The following NUBPL variants were observed in gnomAD, a reference collection of about 807,000 sequenced individuals.
NUBPL encodes iron-sulfur cluster transfer protein NUBPL.
In NUBPL, 31 loss-of-function variants were observed where a neutral mutation model predicts 45.7. That is an observed-to-expected ratio of 0.68 (90% CI 0.51 to 0.92). NUBPL has a LOEUF of 0.92. NUBPL is among the 40% of genes least tolerant of loss of function. The pLI is 0.00. For synonymous variants in NUBPL, 144 were observed against 140.9 expected, an observed-to-expected ratio of 1.02 and a Z score of -0.15; for missense variants, 401 against 398.7, an observed-to-expected ratio of 1.01 and a Z score of -0.05.
intron 4 of NUBPL, among the ~76,000 whole-genome samples, chr14:31,643,273 C>T (rs545500290): frequency 2.9e-4 from 44 of 152,058 alleles, no homozygotes; most frequent in African/African-American, 9.6e-4. Flanking sequence ...CTTTGTTCAA[C>T]GTGATGTTAG....
intron 3 of NUBPL, among the ~76,000 whole-genome samples, chr14:31,597,268 G>C (rs184572385): frequency 6.6e-6 from 1 of 152,152 alleles, no homozygotes; most frequent in Non-Finnish European, 1.5e-5. Flanking sequence ...GGAAGCAGAA[G>C]AATTCGAAAA....
chr14:31,811,129 G>A (rs2039796209), intron 7 of NUBPL, among the ~76,000 whole-genome samples: 1 of 152,066 alleles, frequency 6.6e-6, no homozygotes, highest in Admixed American at 6.6e-5. Flanking sequence ...TATATTTGTG[G>A]TGTTCTCTGT....
chr14:31,595,719 G>A (rs986420953), intron 3 of NUBPL, among the ~76,000 whole-genome samples: 1 of 152,104 alleles, frequency 6.6e-6, no homozygotes, highest in African/African-American at 2.4e-5. Flanking sequence ...AAATAACGGA[G>A]TCAATTATGA....
intron 3 of NUBPL, among the ~76,000 whole-genome samples, chr14:31,574,355 C>G (rs2033664289): frequency 1.3e-5 from 2 of 151,628 alleles, no homozygotes; most frequent in African/African-American, 4.9e-5. Context: ...ACCTCTGTCT[C>G]CCGGGTTCAG....
intron 6 of NUBPL, among the ~76,000 whole-genome samples, chr14:31,688,706 T>C (rs2037024109): frequency 6.9e-6 from 1 of 145,444 alleles, no homozygotes; most frequent in South Asian, 2.1e-4. Context: ...GATAAGGGTT[T>C]GTTATATAGG....
chr14:31,715,696 T>A (rs1403578185), intron 6 of NUBPL, among the ~76,000 whole-genome samples: 1 of 152,182 alleles, frequency 6.6e-6, no homozygotes, highest in East Asian at 1.9e-4. Context: ...TGAAAGTTGC[T>A]GTGGGTGAGT....
intron 10 of NUBPL, among the ~76,000 whole-genome samples, chr14:31,858,518 G>T (rs2040660478): frequency 6.6e-6 from 1 of 152,186 alleles, no homozygotes; most frequent in Non-Finnish European, 1.5e-5. Context: ...CCACTCTGTG[G>T]CTTAAGAGCT....
In NUBPL at chr14:31,860,068, G is replaced by T. The variant is rs2040688506; in HGVS notation, c.*888G>T. 6.6e-6 allele frequency: 1 copy of T among 152,124 alleles called. No homozygotes were observed. The highest frequency in any genetic ancestry group is 2.4e-5 in the African/African-American group (1 of 41,416). 9.4% of individuals were successfully genotyped at this position (152,124 alleles called of 1,614,324 possible). A position where few individuals can be genotyped will look rare whatever the true frequency, so the allele number is the denominator to read the frequency against. On this transcript the variant is annotated 3_prime_UTR_variant, in exon 11 of 11. Transcript: ENST00000281081. Reference sequence around the variant, plus strand: ...GCCTGTAATCCCAGCACTTTGGGAGGTTGAGGTGGGTGGATCATGAGGTCA... The same window carrying T: ...GCCTGTAATCCCAGCACTTTGGGAGTTTGAGGTGGGTGGATCATGAGGTCA...
chr14:31,752,179 A>C (rs558662614), intron 6 of NUBPL, among the ~76,000 whole-genome samples: 1 of 152,232 alleles, frequency 6.6e-6, no homozygotes, highest in South Asian at 2.1e-4. Context: ...TACTTATGCA[A>C]ATTTCTGCAG....
intron 8 of NUBPL, among the ~76,000 whole-genome samples, chr14:31,828,636 C>A (rs1283139141): frequency 6.6e-6 from 1 of 152,106 alleles, no homozygotes; most frequent in Non-Finnish European, 1.5e-5. Flanking sequence ...TATCAAAATA[C>A]CATTTCAACT....
At chr14:31,595,444 G>A (rs879619951) in intron 3 of NUBPL, among the ~76,000 whole-genome samples, 42 of 152,238 alleles carry the variant, frequency 2.8e-4, no homozygotes, top group African/African-American at 8.7e-4. Flanking sequence ...TTTTTTATCT[G>A]TTGTGTATTT....
intron 6 of NUBPL, among the ~76,000 whole-genome samples, chr14:31,729,686 T>A (rs1459703764): frequency 1.3e-5 from 2 of 152,188 alleles, no homozygotes; most frequent in African/African-American, 2.4e-5. Context: ...AACACTGTTA[T>A]TTATTCTAAT....
At chr14:31,777,181 A>G (rs1171494484) in intron 6 of NUBPL, among the ~76,000 whole-genome samples, 2 of 152,200 alleles carry the variant, frequency 1.3e-5, no homozygotes, top group African/African-American at 4.8e-5. Context: ...AAATGGCTAC[A>G]TGGCTCTATT....
intron 6 of NUBPL, among the ~76,000 whole-genome samples, chr14:31,754,822 A>T (rs1326536463): frequency 6.9e-6 from 1 of 145,678 alleles, no homozygotes; most frequent in Non-Finnish European, 1.5e-5. Flanking sequence ...AGCATTAGGT[A>T]TATCTCCTAA....
intron 4 of NUBPL, among the ~76,000 whole-genome samples, chr14:31,600,398 C>T (rs2034399179): frequency 6.6e-6 from 1 of 152,114 alleles, no homozygotes; most frequent in African/African-American, 2.4e-5. Context: ...CACACTCATT[C>T]AGACTGGGAC....
intron 3 of NUBPL, among the ~76,000 whole-genome samples, chr14:31,583,556 C>A (rs1385277552): frequency 2.6e-5 from 4 of 152,134 alleles, no homozygotes; most frequent in African/African-American, 9.7e-5. Context: ...GAAGACTTCC[C>A]CCAGTGAGTA....
intron 4 of NUBPL, among the ~76,000 whole-genome samples, chr14:31,639,194 A>AT (rs1376905678): frequency 6.6e-6 from 1 of 151,626 alleles, no homozygotes; most frequent in African/African-American, 2.4e-5. Flanking sequence ...TTTCTGCTCC[A>AT]TTTTTTCCCC....
At chr14:31,833,324 A>G (rs1427686985) in intron 8 of NUBPL, among the ~76,000 whole-genome samples, 4 of 152,134 alleles carry the variant, frequency 2.6e-5, no homozygotes, top group Non-Finnish European at 2.9e-5. Context: ...AACTGTGATC[A>G]TGTCAGTACA....
chr14:31,615,795 C>T (rs1232419921), intron 4 of NUBPL, among the ~76,000 whole-genome samples: 2 of 152,150 alleles, frequency 1.3e-5, no homozygotes, highest in African/African-American at 4.8e-5. Flanking sequence ...GATCTATAAT[C>T]CTTTGGGTAT....
Sources: gnomAD v4.1 joint callset for allele counts (sites outside exome capture counted in the v4.1 genomes callset) on GRCh38, gnomAD v4.1.1 for gene constraint, MANE v1.5 for transcripts, NCBI Gene and HGNC (gene_info 2026-07-23, HGNC 2026-07-21) for gene names.